NAP1L1: variants seen among roughly 807,000 people sequenced by gnomAD.
The protein encoded by NAP1L1 is nucleosome assembly protein 1 like 1, also known as nucleosome assembly protein 1-like 1.
NAP1L1 carries 9 observed loss-of-function variants against 58.9 expected under a neutral mutation model. That is an observed-to-expected ratio of 0.15 (90% confidence interval 0.09 to 0.27). NAP1L1 has a LOEUF of 0.27. NAP1L1 is among the 10% of genes least tolerant of loss of function. NAP1L1 has a pLI of 1.00. For missense variants in NAP1L1, 302 were observed against 458.8 expected (o/e 0.66, Z 3.12); for synonymous variants, 130 against 138.3 (o/e 0.94, Z 0.42).
In NAP1L1 at chr12:76,043,457, T is replaced by G. The variant is rs1948569962; in HGVS notation, c.*4972A>C. ...AGCAGTACACTCCAACCTGGGCAAA[T>G]GAAGTAAGACCCTGTCTCAGAAAAA... On this transcript the variant is annotated 3_prime_UTR_variant, in exon 15 of 15. Coordinates refer to ENST00000618691, the MANE Select transcript of NAP1L1 (RefSeq NM_004537.7). The G allele has an allele frequency of 8.2e-6, 1 of 121,388 alleles. No homozygotes were observed. The highest frequency in any genetic ancestry group is 1.7e-5 in the Non-Finnish European group (1 of 60,292). The allele number at this position is 121,388 out of a possible 1,614,324, so 7.5% of individuals were successfully genotyped here. A position where few individuals can be genotyped will look rare whatever the true frequency, so the allele number is the denominator to read the frequency against.
In NAP1L1 at chr12:76,042,616, G is replaced by A. The variant is rs150881190; in HGVS notation, c.*5813C>T. The A allele has an allele frequency of 9.9e-5, 15 of 152,222 alleles. No individual in the cohort carries two copies. The East Asian group carries it at 1.9e-3, about 20-fold the overall frequency. 9.4% of individuals were successfully genotyped at this position (152,222 alleles called of 1,614,324 possible). A position where few individuals can be genotyped will look rare whatever the true frequency, so the allele number is the denominator to read the frequency against. ...TTTGAAAATAATTACAAATACGGACGGCAGTAGCAGTAGGAAAAATAACAT... is the reference window on the plus strand; with the variant it reads ...TTTGAAAATAATTACAAATACGGACAGCAGTAGCAGTAGGAAAAATAACAT... On this transcript the variant is annotated 3_prime_UTR_variant, in exon 15 of 15. Transcript: ENST00000618691.
chr12:76,078,992 T>TACAC (rs753522753), intron 1 of NAP1L1, among the ~76,000 whole-genome samples: 4 of 149,482 alleles, frequency 2.7e-5, no homozygotes, highest in African/African-American at 1.0e-4. Context: ...CATATATATA[T>TACAC]ATACACACAC....
intron 2 of NAP1L1, among the ~76,000 whole-genome samples, chr12:76,071,828 G>A (rs947071875): frequency 1.3e-5 from 2 of 151,972 alleles, no homozygotes; most frequent in African/African-American, 4.8e-5. Context: ...AACAGACACA[G>A]TCAACAGTAT....
intron 4 of NAP1L1, among the ~76,000 whole-genome samples, chr12:76,066,137 T>TAAATAAAC (rs1208870278): frequency 6.6e-5 from 4 of 60,300 alleles, no homozygotes; most frequent in Non-Finnish European, 1.2e-4. Context: ...AATAAATAAA[T>TAAATAAAC]AAACAAACAA....
At chr12:76,050,384 C>A in intron 12 of NAP1L1, 147 bp downstream of exon 12, 2 of 917,260 alleles carry the variant, frequency 2.2e-6, no homozygotes, top group Non-Finnish European at 3.0e-6. Context: ...ACTTAAAACC[C>A]AGAAAAGCTA....
intron 1 of NAP1L1, among the ~76,000 whole-genome samples, chr12:76,075,853 A>G (rs961780401): frequency 6.6e-6 from 1 of 152,100 alleles, no homozygotes; most frequent in African/African-American, 2.4e-5. Context: ...GACAATAGGA[A>G]TATCAAAAGC....
At chr12:76,059,199 A>G (rs775148042) in intron 6 of NAP1L1, among the ~76,000 whole-genome samples, 3 of 152,250 alleles carry the variant, frequency 2.0e-5, no homozygotes, top group African/African-American at 4.8e-5. Context: ...GTTTATGTTT[A>G]AAGATGTGGT....
intron 7 of NAP1L1, 83 bp from the exon 8 acceptor site, chr12:76,055,173 A>T: frequency 1.1e-6 from 1 of 890,328 alleles, no homozygotes; most frequent in Non-Finnish European, 1.7e-6. Context: ...CAGCTGACTG[A>T]GACATAATAT....
Position 76,041,613 on chromosome 12 carries a change from A to G in NAP1L1, c.*6816T>C, listed in dbSNP as rs745920533. 2.6e-5 allele frequency: 4 copies of G among 152,224 alleles called. No homozygotes were observed. The highest frequency in any genetic ancestry group is 5.9e-5 in the Non-Finnish European group (4 of 68,058). 9.4% of individuals were successfully genotyped at this position (152,224 alleles called of 1,614,324 possible). ...TTTGAAATCCATAGTTAAGTGCGGC[A>G]GCTCCCACTTGTAAGCATAGCACCT... On this transcript the variant is annotated 3_prime_UTR_variant, in exon 15 of 15. Transcript: ENST00000618691.
At chr12:76,067,947 A>G (rs1244546750) in intron 3 of NAP1L1, among the ~76,000 whole-genome samples, 1 of 152,210 alleles carries the variant, frequency 6.6e-6, no homozygotes, top group African/African-American at 2.4e-5. Flanking sequence ...TTCTATGTGT[A>G]TGAATAAAGT....
intron 4 of NAP1L1, among the ~76,000 whole-genome samples, chr12:76,065,347 T>C (rs1371550690): frequency 6.6e-6 from 1 of 151,944 alleles, no homozygotes; most frequent in African/African-American, 2.4e-5. Flanking sequence ...AGACAAAGAA[T>C]ACTAATGTTT....
chr12:76,059,676 TAAAAAATG>T lies in NAP1L1; in HGVS notation c.429+114_429+121del, dbSNP rs1371696662. 31 of 699,382 alleles carry T rather than the reference TAAAAAATG, an allele frequency of 4.4e-5. No homozygotes were observed. The East Asian group carries it at 7.5e-4, about 17-fold the overall frequency. The allele number at this position is 699,382 out of a possible 1,614,324, so 43.3% of individuals were successfully genotyped here. On this transcript the variant is annotated intron_variant, in intron 6 of 14. Transcript: ENST00000618691. The stretch of plus-strand genomic sequence containing the variant: ...AAAACGTGTAATAAAGACGTAAAAT[TAAAAAATG>T]AAAAAATACAACTGGTTATATAATA...
chr12:76,058,302 T>C (rs1456498788), intron 6 of NAP1L1, among the ~76,000 whole-genome samples: 1 of 151,120 alleles, frequency 6.6e-6, no homozygotes, highest in Non-Finnish European at 1.5e-5. Flanking sequence ...TATTTTTTTA[T>C]TGCCAAAGTC....
rs776773327 is a variant in NAP1L1, at chr12:76,039,651, T to A, written c.*8778A>T. 4 of 152,216 alleles carry A rather than the reference T, an allele frequency of 2.6e-5. No homozygotes were observed. The highest frequency in any genetic ancestry group is 5.9e-5 in the Non-Finnish European group (4 of 68,042). 9.4% of individuals were successfully genotyped at this position (152,216 alleles called of 1,614,324 possible). ...CATGCTTATTTAACCACTAGTTGTGTGACAGAAATATCTACAAGGCAGTGC... is the reference window on the plus strand; with the variant it reads ...CATGCTTATTTAACCACTAGTTGTGAGACAGAAATATCTACAAGGCAGTGC... On this transcript the variant is annotated 3_prime_UTR_variant, in exon 15 of 15. Coordinates refer to ENST00000618691, the MANE Select transcript of NAP1L1 (RefSeq NM_004537.7).
intron 2 of NAP1L1, among the ~76,000 whole-genome samples, chr12:76,072,703 C>A (rs1264937705): frequency 6.6e-6 from 1 of 152,084 alleles, no homozygotes; most frequent in African/African-American, 2.4e-5. Flanking sequence ...AATTATCACA[C>A]ACAAATGGTT....
At chr12:76,059,905 G>C in intron 5 of NAP1L1, 27 bp from the exon 6 acceptor site, 2 of 1,509,042 alleles carry the variant, frequency 1.3e-6, no homozygotes, top group Non-Finnish European at 1.8e-6. Flanking sequence ...AAAAAAGGCT[G>C]TATAAAAACA....
In NAP1L1 at chr12:76,044,942, C is replaced by T. The variant is rs927576565; in HGVS notation, c.*3487G>A. The T allele has an allele frequency of 6.6e-6, 1 of 152,060 alleles. No individual in the cohort carries two copies. Among genetic ancestry groups the T allele is most frequent in the Non-Finnish European group, 1.5e-5 (1 of 67,992 alleles). 9.4% of individuals were successfully genotyped at this position (152,060 alleles called of 1,614,324 possible). ...ATATCTGGAGTTTTAATCCAGCATA[C>T]AAAAATCACCAGTATACATCTATTA... On this transcript the variant is annotated 3_prime_UTR_variant, in exon 15 of 15. Coordinates refer to ENST00000618691, the MANE Select transcript of NAP1L1 (RefSeq NM_004537.7).
chr12:76,072,346 G>C (rs1258788030), intron 2 of NAP1L1, among the ~76,000 whole-genome samples: 4 of 150,408 alleles, frequency 2.7e-5, no homozygotes, highest in African/African-American at 7.3e-5. Context: ...AGCAGGTCTT[G>C]GAAACTAAAA....
rs190914119 is a variant in NAP1L1 at position 76,037,793 on chromosome 12, G to C, written c.*10636C>G. ...TCCTAATCACTTCAAACTCTGATGA[G>C]TAGTTATCCAATTTTCACGTCTACT... On this transcript the variant is annotated 3_prime_UTR_variant, in exon 15 of 15. Coordinates refer to ENST00000618691, the MANE Select transcript of NAP1L1 (RefSeq NM_004537.7). 12 of 152,286 alleles carry C rather than the reference G, an allele frequency of 7.9e-5. No homozygotes were observed. Among genetic ancestry groups the C allele is most frequent in the African/African-American group, 2.6e-4 (11 of 41,546 alleles). The allele number at this position is 152,286 out of a possible 1,614,324, so 9.4% of individuals were successfully genotyped here. A position where few individuals can be genotyped will look rare whatever the true frequency, so the allele number is the denominator to read the frequency against.
Sources: allele counts gnomAD v4.1 joint callset (sites outside exome capture counted in the v4.1 genomes callset), GRCh38; gene constraint gnomAD v4.1.1; transcripts MANE v1.5; gene names NCBI Gene and HGNC (gene_info 2026-07-23, HGNC 2026-07-21).